Variants in ACACA observed in about 807,000 individuals in gnomAD.
ACACA encodes the protein acetyl-CoA carboxylase 1.
A neutral mutation model predicts 296.1 loss-of-function variants in ACACA; 103 were observed. The ratio of observed to expected loss-of-function variants is 0.35; its 90% CI spans 0.30 to 0.41. The LOEUF (loss-of-function observed/expected upper bound fraction) is 0.41. Among genes scored for constraint, ACACA ranks in the 10% least tolerant of loss-of-function variants. The pLI is 1.00. For synonymous variants in ACACA, 953 were observed against 1,038.6 expected (o/e 0.92, Z 1.58); for missense variants, 1,554 against 2,989.7 (o/e 0.52, Z 11.20).
intron 54 of ACACA, among the ~76,000 whole-genome samples, chr17:37,091,674 G>A (rs990690815): frequency 3.9e-5 from 6 of 151,908 alleles, no homozygotes; most frequent in African/African-American, 1.5e-4. Flanking sequence ...GAAACTCCTG[G>A]GCTCACGTGA....
chr17:37,221,657 A>G (rs1435363528), intron 29 of ACACA, 67 bp downstream of exon 29: 1 of 1,257,050 alleles, frequency 8.0e-7, no homozygotes, highest in Non-Finnish European at 1.2e-6. Flanking sequence ...TGTCATACAC[A>G]TTACTCCCCT....
In ACACA at chr17:37,350,871, G is replaced by A. The variant is rs140006529; in HGVS notation, c.39-11021C>T. ...AACCAGGCCAGGTGCAGTGGCCCAC[G>A]CCTGTAATCCCAACACTCTGGGAGG... On this transcript the variant is annotated intron_variant, in intron 1 of 55. Transcript: ENST00000616317. Among the ~76,000 whole-genome samples, 43 of 151,870 alleles carry A rather than the reference G, an allele frequency of 2.8e-4. No homozygotes were observed. In the East Asian group the frequency reaches 8.4e-3, roughly 30 times the overall value.
chr17:37,390,157 T>TAC (rs2050741988), intron 1 of ACACA, among the ~76,000 whole-genome samples: 1 of 34,606 alleles, frequency 2.9e-5, no homozygotes, highest in African/African-American at 1.8e-4. Context: ...TATATATATA[T>TAC]ATATATATAT....
intron 1 of ACACA, among the ~76,000 whole-genome samples, chr17:37,402,792 C>A (rs1444694272): frequency 6.6e-6 from 1 of 152,084 alleles, no homozygotes; most frequent in African/African-American, 2.4e-5. Context: ...TCTTCCTCAG[C>A]CTCCTGAGTA....
intron 1 of ACACA, among the ~76,000 whole-genome samples, chr17:37,353,565 G>T (rs973908624): frequency 1.4e-5 from 2 of 140,974 alleles, no homozygotes; most frequent in Admixed American, 1.6e-4. Context: ...CTTGAACCCA[G>T]GAGAAGGAGG....
At chr17:37,102,091 T>A (rs2073392941) in intron 52 of ACACA, among the ~76,000 whole-genome samples, 1 of 152,180 alleles carries the variant, frequency 6.6e-6, no homozygotes, top group South Asian at 2.1e-4. Context: ...TTCAGGTACA[T>A]GATCTCCAAT....
intron 3 of ACACA, among the ~76,000 whole-genome samples, chr17:37,287,219 CA>C (rs2082816577): frequency 6.6e-6 from 1 of 152,124 alleles, no homozygotes; most frequent in African/African-American, 2.4e-5. Context: ...GGTGTCTTTT[CA>C]AAATAAGAAG....
At chr17:37,096,553 C>T (rs1341628173) in intron 54 of ACACA, among the ~76,000 whole-genome samples, 3 of 152,220 alleles carry the variant, frequency 2.0e-5, no homozygotes, top group African/African-American at 7.2e-5. Flanking sequence ...AGACTCTCCT[C>T]CATCCTTCCC....
chr17:37,247,616 C>A (rs923865569), intron 18 of ACACA, among the ~76,000 whole-genome samples: 2 of 152,228 alleles, frequency 1.3e-5, no homozygotes, highest in Non-Finnish European at 2.9e-5. Flanking sequence ...ATCCACCTGC[C>A]TCGGCCTCCC....
chr17:37,224,645 G>A (rs1466231925), intron 27 of ACACA, among the ~76,000 whole-genome samples: 1 of 151,758 alleles, frequency 6.6e-6, no homozygotes, highest in Non-Finnish European at 1.5e-5. Flanking sequence ...TCAGAGAAAT[G>A]TGTGTGTGTA....
At chr17:37,315,429 G>C (rs1012372395) in intron 3 of ACACA, among the ~76,000 whole-genome samples, 2 of 152,274 alleles carry the variant, frequency 1.3e-5, no homozygotes, top group African/African-American at 4.8e-5. Flanking sequence ...CCAACTGGGA[G>C]TCTCACAATT....
chr17:37,167,964 C>G (rs1261368360), intron 41 of ACACA, among the ~76,000 whole-genome samples: 1 of 152,070 alleles, frequency 6.6e-6, no homozygotes. Flanking sequence ...CTATGAATAG[C>G]ATTTAAAAAT....
At chr17:37,373,915 CCTCTG>C (rs1424482287) in intron 1 of ACACA, among the ~76,000 whole-genome samples, 2 of 152,194 alleles carry the variant, frequency 1.3e-5, no homozygotes, top group African/African-American at 4.8e-5. Context: ...CTAACCACCT[CCTCTG>C]CTAAGAGAAG....
intron 10 of ACACA, among the ~76,000 whole-genome samples, chr17:37,264,518 TA>T (rs966093339): frequency 2.0e-5 from 3 of 152,222 alleles, no homozygotes; most frequent in African/African-American, 4.8e-5. Context: ...CTGTCTTTTA[TA>T]GGGGGGAGGG....
At chr17:37,364,433 A>T (rs1282672518) in intron 1 of ACACA, among the ~76,000 whole-genome samples, 1 of 151,918 alleles carries the variant, frequency 6.6e-6, no homozygotes, top group Non-Finnish European at 1.5e-5. Context: ...ATGTCTAGTA[A>T]AAGTACAAAA....
At chr17:37,350,732 G>C (rs1237846663) in intron 1 of ACACA, among the ~76,000 whole-genome samples, 2 of 152,070 alleles carry the variant, frequency 1.3e-5, no homozygotes, top group Admixed American at 6.6e-5. Context: ...CCAGCTACTC[G>C]GGAGGCTGAG....
intron 1 of ACACA, among the ~76,000 whole-genome samples, chr17:37,343,122 T>C (rs1344510931): frequency 2.0e-5 from 3 of 151,924 alleles, no homozygotes; most frequent in East Asian, 2.0e-4. Flanking sequence ...GGATTACAGA[T>C]GCATGCCACC....
Position 37,406,311 on chromosome 17 carries a change from T to A in ACACA, c.-12A>T, listed in dbSNP as rs778117924. Reference sequence around the variant, plus strand: ...GTAGACCACCACATCCTCTCATCATTGCGCCTCAATTTGGGCCTCTGAAGC... The same window carrying A: ...GTAGACCACCACATCCTCTCATCATAGCGCCTCAATTTGGGCCTCTGAAGC... On this transcript the variant is annotated 5_prime_UTR_variant, in exon 1 of 56. Transcript: ENST00000616317. 4.3e-6 allele frequency: 7 copies of A among 1,614,178 alleles called. No homozygotes were observed. The South Asian group carries it at 7.7e-5, about 18-fold the overall frequency.
intron 45 of ACACA, among the ~76,000 whole-genome samples, chr17:37,142,703 G>A (rs1316029779): frequency 6.6e-6 from 1 of 152,156 alleles, no homozygotes; most frequent in African/African-American, 2.4e-5. Context: ...GAGTCCTTGG[G>A]GACTCTTGTA....
Sources: allele counts gnomAD v4.1 joint callset (sites outside exome capture counted in the v4.1 genomes callset), GRCh38; gene constraint gnomAD v4.1.1; transcripts MANE v1.5; gene names NCBI Gene and HGNC (gene_info 2026-07-23, HGNC 2026-07-21).